RAD54B: variants seen among roughly 807,000 people sequenced by gnomAD.
RAD54B encodes RAD54 homolog B.
Under a neutral mutation model 95.8 loss-of-function variants are expected in RAD54B, and 78 were observed. The observed-to-expected ratio is 0.81, with a 90% CI of 0.68 to 0.98. The LOEUF (loss-of-function observed/expected upper bound fraction) is 0.98. Among genes scored for constraint, RAD54B ranks in the 50% least tolerant of loss-of-function variants. The pLI is 0.00. For synonymous variants in RAD54B, 328 were observed against 354.9 expected (o/e 0.92, Z 0.85); for missense variants, 957 against 1,056.6 (o/e 0.91, Z 1.31).
chr8:94,473,434 ATG>A (rs1813216914), intron 1 of RAD54B, among the ~76,000 whole-genome samples: 1 of 152,216 alleles, frequency 6.6e-6, no homozygotes, highest in Admixed American at 6.5e-5. Context: ...CTTTGGCTCC[ATG>A]TGTCTCAGTT....
chr8:94,455,123 C>T (rs984315344), intron 3 of RAD54B, among the ~76,000 whole-genome samples: 3 of 152,326 alleles, frequency 2.0e-5, no homozygotes, highest in Middle Eastern at 3.4e-3. Context: ...CATACTTACT[C>T]GCATTCACTT....
At chr8:94,404,492 C>A (rs1372372159) in intron 5 of RAD54B, among the ~76,000 whole-genome samples, 1 of 152,098 alleles carries the variant, frequency 6.6e-6, no homozygotes. Flanking sequence ...GCTTCGAAAG[C>A]AATGAAATTC....
chr8:94,429,522 T>G, intron 3 of RAD54B: 2 of 984,722 alleles, frequency 2.0e-6, no homozygotes, highest in Non-Finnish European at 2.4e-6. Flanking sequence ...CAATTCTTAG[T>G]AGCATGCTGA....
chr8:94,428,767 T>C, intron 3 of RAD54B: 8 of 985,254 alleles, frequency 8.1e-6, no homozygotes, highest in Non-Finnish European at 8.4e-6. Context: ...TTCCCCTATA[T>C]ATTCCCCTTA....
rs1323984227 is a variant in RAD54B at position 94,399,704 on chromosome 8, CT to C, written c.1171-84del. On this transcript the variant is annotated intron_variant, in intron 7 of 14. Transcript: ENST00000336148. ...TTAAGCAGCCTATTCCTGACAGTCA[CT>C]TACTAAGAACTGGAATGTGTTAACT... 11 of 1,450,952 alleles carry C rather than the reference CT, an allele frequency of 7.6e-6. No individual in the cohort carries two copies. In the African/African-American group the frequency reaches 1.0e-4, roughly 13 times the overall value. 89.9% of individuals were successfully genotyped at this position (1,450,952 alleles called of 1,614,324 possible).
chr8:94,462,333 AACATTT>A (rs1421043266), intron 2 of RAD54B, among the ~76,000 whole-genome samples: 1 of 152,136 alleles, frequency 6.6e-6, no homozygotes, highest in Non-Finnish European at 1.5e-5. Flanking sequence ...TTCCTCATTG[AACATTT>A]ACCCACTAGT....
At chr8:94,387,848 G>A (rs1810927122) in intron 10 of RAD54B, among the ~76,000 whole-genome samples, 1 of 152,140 alleles carries the variant, frequency 6.6e-6, no homozygotes, top group African/African-American at 2.4e-5. Context: ...AGATATTCAT[G>A]ACTACATCAC....
intron 3 of RAD54B, chr8:94,429,470 G>T: frequency 5.1e-6 from 5 of 978,090 alleles, no homozygotes; most frequent in Non-Finnish European, 6.1e-6. Flanking sequence ...GGAAAACTCT[G>T]ATTTGCTGTA....
chr8:94,387,536 T>A (rs1168849705), intron 10 of RAD54B: 1 of 157,596 alleles, frequency 6.3e-6, no homozygotes, highest in African/African-American at 2.4e-5. Context: ...CTTTGATACA[T>A]CTTTTTCTCT....
At chr8:94,425,811 A>G (rs966785252) in intron 3 of RAD54B, among the ~76,000 whole-genome samples, 9 of 146,416 alleles carry the variant, frequency 6.1e-5, no homozygotes, top group African/African-American at 2.4e-4. Context: ...AACTAGTACT[A>G]AAATGAAAAA....
At chr8:94,446,395 T>G (rs1341633210) in intron 3 of RAD54B, among the ~76,000 whole-genome samples, 1 of 152,094 alleles carries the variant, frequency 6.6e-6, no homozygotes, top group East Asian at 1.9e-4. Context: ...GAGAGGTGCA[T>G]ACACAGGGCA....
chr8:94,430,626 A>T (rs1812068064), intron 3 of RAD54B: 1 of 614,028 alleles, frequency 1.6e-6, no homozygotes, highest in Admixed American at 6.3e-5. Context: ...ATACTTGGAA[A>T]ACCATTGGTC....
chr8:94,427,954 CAAGTT>C (rs1811985873), intron 3 of RAD54B: 1 of 909,378 alleles, frequency 1.1e-6, no homozygotes, highest in African/African-American at 1.8e-5. Flanking sequence ...GAAATAACAC[CAAGTT>C]AATATCTCAT....
In RAD54B at chr8:94,475,022, C is replaced by T. The variant is rs1813269282; in HGVS notation, c.-38G>A. On this transcript the variant is annotated 5_prime_UTR_variant, in exon 1 of 15. Transcript: ENST00000336148. ...GCACCGGCGAAAATCTGACAGAAAC[C>T]ACTGGCCCTGCAAAGAAGTCCTTCT... The T allele has an allele frequency of 1.3e-5, 2 of 152,452 alleles. No individual in the cohort carries two copies. The highest frequency in any genetic ancestry group is 1.3e-4 in the Admixed American group (2 of 15,290). The allele number at this position is 152,452 out of a possible 1,614,324, so 9.4% of individuals were successfully genotyped here.
At chr8:94,387,425 A>T (rs975555535) in intron 10 of RAD54B, 52 of 264,524 alleles carry the variant, frequency 2.0e-4, no homozygotes, top group Middle Eastern at 1.1e-3. Context: ...TATTTCCCAC[A>T]TGTAACTACA....
rs764882215 is a variant in RAD54B at position 94,380,099 on chromosome 8, T to A, written c.2247+46A>T. On this transcript the variant is annotated intron_variant, in intron 12 of 14. Coordinates refer to ENST00000336148, the MANE Select transcript of RAD54B (RefSeq NM_012415.3). ...CTTTGTATCCTCAATAGGCATTGTATCCTCAGGCATTCAATAATATCTATT... is the reference window on the plus strand; with the variant it reads ...CTTTGTATCCTCAATAGGCATTGTAACCTCAGGCATTCAATAATATCTATT... 3 of 1,536,168 alleles carry A rather than the reference T, an allele frequency of 2.0e-6. No homozygotes were observed. In the Admixed American group the frequency reaches 5.4e-5, roughly 28 times the overall value.
At chr8:94,400,730 G>A (rs1452115559) in intron 6 of RAD54B, among the ~76,000 whole-genome samples, 1 of 152,106 alleles carries the variant, frequency 6.6e-6, no homozygotes, top group Non-Finnish European at 1.5e-5. Context: ...GGCTAGAAAT[G>A]AATTCCAATT....
intron 1 of RAD54B, among the ~76,000 whole-genome samples, chr8:94,469,097 CTTG>C (rs1453902165): frequency 2.5e-3 from 314 of 126,388 alleles, no homozygotes; most frequent in African/African-American, 8.4e-3. Flanking sequence ...GAGCCCATCT[CTTG>C]TTTTTTTTTT....
intron 1 of RAD54B, among the ~76,000 whole-genome samples, chr8:94,470,831 T>C (rs1485238971): frequency 1.3e-5 from 2 of 151,492 alleles, no homozygotes; most frequent in Non-Finnish European, 2.9e-5. Flanking sequence ...GGGAAACAAA[T>C]GTCTATAATG....
Sources: allele counts gnomAD v4.1 joint callset (sites outside exome capture counted in the v4.1 genomes callset), GRCh38; gene constraint gnomAD v4.1.1; transcripts MANE v1.5; gene names NCBI Gene and HGNC (gene_info 2026-07-23, HGNC 2026-07-21).